NPAS3: variants seen among roughly 807,000 people sequenced by gnomAD.
The protein encoded by NPAS3 is neuronal PAS domain protein 3, also known as neuronal PAS domain-containing protein 3.
Under a neutral mutation model 73.1 loss-of-function variants are expected in NPAS3, and 14 were observed. That is an observed-to-expected ratio of 0.19 (90% CI 0.13 to 0.30). NPAS3 has a LOEUF of 0.30. Ranked by LOEUF, NPAS3 falls within the 10% of genes least tolerant of loss-of-function variation. The probability of loss-of-function intolerance (pLI) is 1.00; values close to 1 mark genes in which losing one functional copy is unlikely to be tolerated. For missense variants in NPAS3, 1,096 were observed against 1,250.0 expected (o/e 0.88, Z 1.86); for synonymous variants, 620 against 541.5 (o/e 1.14, Z -2.01).
intron 3 of NPAS3, among the ~76,000 whole-genome samples, chr14:33,234,324 G>A (rs1291659147): frequency 6.6e-6 from 1 of 152,122 alleles, no homozygotes; most frequent in Non-Finnish European, 1.5e-5. Flanking sequence ...AAATGGGAAA[G>A]TAATAAGCAG....
At chr14:33,335,701 C>T (rs1044451729) in intron 3 of NPAS3, among the ~76,000 whole-genome samples, 1 of 152,082 alleles carries the variant, frequency 6.6e-6, no homozygotes, top group Non-Finnish European at 1.5e-5. Flanking sequence ...TAATCTTGGA[C>T]GTTTGAGTGG....
chr14:33,266,374 A>C (rs1345608341), intron 3 of NPAS3, among the ~76,000 whole-genome samples: 2 of 152,168 alleles, frequency 1.3e-5, no homozygotes, highest in Non-Finnish European at 2.9e-5. Context: ...AAAATAGAAT[A>C]ATTCAGATTG....
At chr14:33,363,204 G>C (rs940094714) in intron 3 of NPAS3, among the ~76,000 whole-genome samples, 22 of 152,196 alleles carry the variant, frequency 1.4e-4, no homozygotes, top group African/African-American at 5.3e-4. Context: ...CCTGAGGTGA[G>C]GAGCACTGGT....
At chr14:33,457,282 C>T (rs2050066267) in intron 4 of NPAS3, among the ~76,000 whole-genome samples, 1 of 152,172 alleles carries the variant, frequency 6.6e-6, no homozygotes, top group Non-Finnish European at 1.5e-5. Flanking sequence ...CTTTTACCCT[C>T]CTGTTGGGCT....
exon 5 of NPAS3, chr14:33,560,168 G>C: frequency 1.1e-6 from 1 of 870,500 alleles, no homozygotes. Context: ...GAAAATTTTT[G>C]TACATTTCCG....
chr14:32,994,641 T>TG (rs926628321), intron 1 of NPAS3, among the ~76,000 whole-genome samples: 4 of 148,742 alleles, frequency 2.7e-5, no homozygotes, highest in South Asian at 2.1e-4. Flanking sequence ...TTTTTGTTTT[T>TG]TTTTTTTTGA....
At chr14:33,272,725 T>C (rs243309) in intron 3 of NPAS3, among the ~76,000 whole-genome samples, 151,442 of 152,318 alleles carry the variant, frequency 0.99, 75,325 homozygotes, top group Middle Eastern at 1. Context: ...CCTAATTTTA[T>C]AAGCATTTAC....
chr14:33,164,810 T>A (rs960114767), intron 2 of NPAS3, among the ~76,000 whole-genome samples: 1 of 151,712 alleles, frequency 6.6e-6, no homozygotes, highest in Non-Finnish European at 1.5e-5. Flanking sequence ...CAGAACCCCA[T>A]TGCTTCTCCT....
intron 2 of NPAS3, among the ~76,000 whole-genome samples, chr14:33,065,979 G>T (rs776531871): frequency 3.9e-5 from 6 of 152,056 alleles, no homozygotes; most frequent in Non-Finnish European, 8.8e-5. Flanking sequence ...GAATGAGCAT[G>T]GCTTGGTTGG....
chr14:33,169,298 T>TG (rs1440066583), intron 2 of NPAS3, among the ~76,000 whole-genome samples: 2 of 152,232 alleles, frequency 1.3e-5, no homozygotes, highest in Non-Finnish European at 2.9e-5. Flanking sequence ...CCGGGCACGA[T>TG]GGCTCATGCC....
chr14:33,162,358 T>A (rs774503627), intron 2 of NPAS3, among the ~76,000 whole-genome samples: 1 of 152,316 alleles, frequency 6.6e-6, no homozygotes, highest in East Asian at 1.9e-4. Flanking sequence ...GTCCCAGGCA[T>A]CATATCTTTA....
chr14:32,941,243 C>T (rs1281043496), intron 1 of NPAS3, among the ~76,000 whole-genome samples: 15 of 41,616 alleles, frequency 3.6e-4, no homozygotes, highest in African/African-American at 1.8e-3. Flanking sequence ...CCCCTCCTCC[C>T]TCCTTTCCCC....
chr14:33,066,280 C>A (rs947421340), intron 2 of NPAS3, among the ~76,000 whole-genome samples: 1 of 152,122 alleles, frequency 6.6e-6, no homozygotes, highest in Admixed American at 6.5e-5. Context: ...GGAGAAACAT[C>A]CAGCGGAGAT....
intron 3 of NPAS3, among the ~76,000 whole-genome samples, chr14:33,290,752 T>C (rs1251863327): frequency 6.6e-6 from 1 of 152,242 alleles, no homozygotes; most frequent in Non-Finnish European, 1.5e-5. Flanking sequence ...TTGCCCAGCA[T>C]CTGGTTTGCC....
chr14:33,284,965 A>G (rs991417970), intron 3 of NPAS3, among the ~76,000 whole-genome samples: 9 of 152,164 alleles, frequency 5.9e-5, no homozygotes, highest in African/African-American at 2.2e-4. Flanking sequence ...TGTAACCACT[A>G]TGCTAGTGTG....
chr14:33,370,537 A>G (rs140513439), intron 4 of NPAS3, among the ~76,000 whole-genome samples: 1 of 152,170 alleles, frequency 6.6e-6, no homozygotes, highest in Non-Finnish European at 1.5e-5. Context: ...TTGATTCTCC[A>G]TGAAGAGTCC....
intron 2 of NPAS3, among the ~76,000 whole-genome samples, chr14:33,207,719 A>G (rs914630939): frequency 5.9e-5 from 9 of 152,204 alleles, no homozygotes; most frequent in African/African-American, 2.2e-4. Flanking sequence ...CCAAGGAGAT[A>G]GCATTTACTA....
At chr14:33,432,892 A>G (rs1308832639) in intron 4 of NPAS3, among the ~76,000 whole-genome samples, 1 of 152,242 alleles carries the variant, frequency 6.6e-6, no homozygotes, top group African/African-American at 2.4e-5. Flanking sequence ...AATTTTAGTA[A>G]TGAATTATTC....
At chr14:33,362,646 C>G (rs534152387) in intron 3 of NPAS3, among the ~76,000 whole-genome samples, 33 of 152,212 alleles carry the variant, frequency 2.2e-4, no homozygotes, top group Middle Eastern at 6.8e-3. Context: ...TCCTTGCCCC[C>G]TTAGATGGAG....
Sources: allele counts gnomAD v4.1 joint callset (sites outside exome capture counted in the v4.1 genomes callset), GRCh38; gene constraint gnomAD v4.1.1; transcripts MANE v1.5; gene names NCBI Gene and HGNC (gene_info 2026-07-23, HGNC 2026-07-21).